ABCA13: variants seen among roughly 807,000 people sequenced by gnomAD.
ABCA13 encodes the protein ATP-binding cassette sub-family A member 13.
In ABCA13, 476 loss-of-function variants were observed where a neutral mutation model predicts 478.7. That is an observed-to-expected ratio of 0.99 (90% CI 0.92 to 1.07). The LOEUF (loss-of-function observed/expected upper bound fraction) is 1.07, where lower values mean the gene tolerates loss of function less well. Ranked by LOEUF, ABCA13 falls within the 50% of genes least tolerant of loss-of-function variation. The pLI is 0.00. For missense variants in ABCA13, 6,060 were observed against 5,910.6 expected (o/e 1.03, Z -0.83); for synonymous variants, 2,252 against 2,158.9 (o/e 1.04, Z -1.20).
chr7:48,250,569 A>G (rs1237295591), intron 15 of ABCA13, among the ~76,000 whole-genome samples: 1 of 152,202 alleles, frequency 6.6e-6, no homozygotes, highest in African/African-American at 2.4e-5. Context: ...GCCTGTCAGG[A>G]AACAATGGCC....
chr7:48,618,084 G>A (rs1563513468), intron 59 of ABCA13, among the ~76,000 whole-genome samples: 1 of 152,094 alleles, frequency 6.6e-6, no homozygotes, highest in Admixed American at 6.5e-5. Flanking sequence ...GACCCCACCT[G>A]GGCTCCCTGA....
intron 1 of ABCA13, among the ~76,000 whole-genome samples, chr7:48,178,690 GTAAAA>G (rs917735592): frequency 4.7e-5 from 7 of 148,692 alleles, no homozygotes; most frequent in South Asian, 2.1e-4. Context: ...ATAAAAAAAA[GTAAAA>G]TAAAATAAAA....
rs187046038 is a variant in ABCA13 at position 48,236,844 on chromosome 7, G to A, written c.898-2397G>A. 1.4e-4 allele frequency among the ~76,000 whole-genome samples: 22 copies of A among 152,220 alleles called. No individual in the cohort carries two copies. In the East Asian group the frequency reaches 3.5e-3, roughly 24 times the overall value. ...GAACATTGCCTGCTTCCCACCCTTCGTAAGTGTAATTGCCTGGTGAGCTCT... is the reference window on the plus strand; with the variant it reads ...GAACATTGCCTGCTTCCCACCCTTCATAAGTGTAATTGCCTGGTGAGCTCT... On this transcript the variant is annotated intron_variant, in intron 8 of 61. Coordinates refer to ENST00000435803, the MANE Select transcript of ABCA13 (RefSeq NM_152701.5).
intron 55 of ABCA13, among the ~76,000 whole-genome samples, chr7:48,560,433 C>G (rs1049958002): frequency 6.6e-6 from 1 of 152,186 alleles, no homozygotes; most frequent in South Asian, 2.1e-4. Flanking sequence ...ATGACTGTCT[C>G]TCCCACCCTC....
intron 1 of ABCA13, among the ~76,000 whole-genome samples, chr7:48,176,929 G>A (rs747109503): frequency 1.6e-4 from 25 of 152,168 alleles, no homozygotes; most frequent in Middle Eastern, 6.8e-3. Flanking sequence ...ATGTGTGTGT[G>A]TTTCTTTTCT....
intron 23 of ABCA13, among the ~76,000 whole-genome samples, chr7:48,299,215 T>C (rs909560697): frequency 1.3e-5 from 2 of 152,174 alleles, no homozygotes; most frequent in Non-Finnish European, 2.9e-5. Context: ...CTTCCAGAAG[T>C]AGTAACCGTG....
At chr7:48,346,689 TA>T (rs1283189802) in intron 29 of ABCA13, among the ~76,000 whole-genome samples, 1 of 152,208 alleles carries the variant, frequency 6.6e-6, no homozygotes, top group South Asian at 2.1e-4. Context: ...AGTGTATATA[TA>T]AACTTCAACT....
intron 45 of ABCA13, among the ~76,000 whole-genome samples, chr7:48,475,852 G>A (rs935361744): frequency 7.2e-5 from 11 of 152,102 alleles, no homozygotes; most frequent in African/African-American, 2.7e-4. Flanking sequence ...ATGAAAACAT[G>A]ATTTGGAAGC....
intron 29 of ABCA13, among the ~76,000 whole-genome samples, chr7:48,342,129 AT>A (rs1807335588): frequency 6.6e-6 from 1 of 151,042 alleles, no homozygotes; most frequent in African/African-American, 2.4e-5. Context: ...AATATTTGGT[AT>A]TATTTATTTA....
chr7:48,406,483 A>G (rs923179189), intron 39 of ABCA13, among the ~76,000 whole-genome samples: 5 of 152,232 alleles, frequency 3.3e-5, no homozygotes, highest in African/African-American at 1.2e-4. Flanking sequence ...ATTAAAATAG[A>G]CAAGGGGCGA....
chr7:48,322,111 A>G (rs1803573970), intron 27 of ABCA13, among the ~76,000 whole-genome samples: 1 of 152,212 alleles, frequency 6.6e-6, no homozygotes, highest in South Asian at 2.1e-4. Flanking sequence ...TTTTCTTTGC[A>G]TCCCCAAGCA....
intron 25 of ABCA13, among the ~76,000 whole-genome samples, chr7:48,313,506 C>T (rs1277386229): frequency 6.6e-6 from 1 of 152,182 alleles, no homozygotes; most frequent in Non-Finnish European, 1.5e-5. Context: ...TAAGAAATTA[C>T]TAACTCAGTT....
At chr7:48,613,033 A>C (rs994670402) in intron 58 of ABCA13, among the ~76,000 whole-genome samples, 1 of 152,142 alleles carries the variant, frequency 6.6e-6, no homozygotes, top group Non-Finnish European at 1.5e-5. Flanking sequence ...ATTTGTTGGC[A>C]TGTTTATTAC....
At chr7:48,396,340 G>T (rs1585144206) in intron 38 of ABCA13, among the ~76,000 whole-genome samples, 1 of 152,350 alleles carries the variant, frequency 6.6e-6, no homozygotes, top group Middle Eastern at 3.4e-3. Flanking sequence ...TATAAAGGAG[G>T]ACTTTCATTT....
rs117037756 is a variant in ABCA13, at chr7:48,506,198, C to T, written c.13292-138C>T. 6,668 of 814,216 alleles carry T rather than the reference C, an allele frequency of 8.2e-3. 45 individuals are homozygous for T. Among genetic ancestry groups the T allele is most frequent in the Non-Finnish European group, 9.7e-3 (5,064 of 519,574 alleles). 50.4% of individuals were successfully genotyped at this position (814,216 alleles called of 1,614,324 possible). Reference sequence around the variant, plus strand: ...TCACAATGGAATTTGCCATTTTTTTCTGCTAATTGACCAGGGCCTGGGCAA... The same window carrying T: ...TCACAATGGAATTTGCCATTTTTTTTTGCTAATTGACCAGGGCCTGGGCAA... On this transcript the variant is annotated intron_variant, in intron 48 of 61. Transcript: ENST00000435803.
chr7:48,336,616 A>C (rs1194991961), intron 28 of ABCA13, among the ~76,000 whole-genome samples: 3 of 152,148 alleles, frequency 2.0e-5, no homozygotes, highest in Non-Finnish European at 4.4e-5. Context: ...AGTGGGCCTG[A>C]TGTGGTGGTC....
At chr7:48,323,730 A>G (rs1182441561) in intron 27 of ABCA13, among the ~76,000 whole-genome samples, 1 of 152,194 alleles carries the variant, frequency 6.6e-6, no homozygotes, top group Non-Finnish European at 1.5e-5. Flanking sequence ...ATTATTTTGA[A>G]GCCTGTGATA....
At chr7:48,585,874 T>G (rs1314763670) in intron 56 of ABCA13, among the ~76,000 whole-genome samples, 2 of 152,146 alleles carry the variant, frequency 1.3e-5, no homozygotes, top group African/African-American at 4.8e-5. Flanking sequence ...TATGCTAAGT[T>G]GGAAACAAAA....
intron 42 of ABCA13, among the ~76,000 whole-genome samples, chr7:48,452,892 G>C (rs1825212642): frequency 6.6e-6 from 1 of 152,186 alleles, no homozygotes. Context: ...GCTTGAGTTA[G>C]AGAATTCAAA....
Sources: allele counts gnomAD v4.1 joint callset (sites outside exome capture counted in the v4.1 genomes callset), GRCh38; gene constraint gnomAD v4.1.1; transcripts MANE v1.5; gene names NCBI Gene and HGNC (gene_info 2026-07-23, HGNC 2026-07-21).